EIF4G3: variants seen among roughly 807,000 people sequenced by gnomAD.
EIF4G3 encodes eukaryotic translation initiation factor 4 gamma 3, also known as eIF-4-gamma 3.
In EIF4G3, 34 loss-of-function variants were observed where a neutral mutation model predicts 186.4. The ratio of observed to expected loss-of-function variants is 0.18; its 90% CI spans 0.14 to 0.24. The LOEUF (loss-of-function observed/expected upper bound fraction) is 0.24, where lower values mean the gene tolerates loss of function less well. EIF4G3 is among the 10% of genes least tolerant of loss of function. The probability of loss-of-function intolerance (pLI) is 1.00; values close to 1 mark genes in which losing one functional copy is unlikely to be tolerated. For synonymous variants in EIF4G3, 673 were observed against 679.5 expected (o/e 0.99, Z 0.15); for missense variants, 1,536 against 1,948.5 (o/e 0.79, Z 3.99).
At chr1:20,848,010 AG>A (rs748753712) in intron 29 of EIF4G3, 47 of 353,876 alleles carry the variant, frequency 1.3e-4, no homozygotes, top group South Asian at 8.5e-4. Flanking sequence ...TCTGTCACCC[AG>A]GATGGAATGC....
chr1:20,926,081 TTTAG>T (rs1481062686), intron 14 of EIF4G3, among the ~76,000 whole-genome samples: 1 of 152,222 alleles, frequency 6.6e-6, no homozygotes, highest in African/African-American at 2.4e-5. Context: ...AATATCTTAT[TTTAG>T]TAAGAACTAT....
chr1:21,058,162 C>A (rs1004050388), intron 3 of EIF4G3, among the ~76,000 whole-genome samples: 2 of 152,046 alleles, frequency 1.3e-5, no homozygotes, highest in Non-Finnish European at 2.9e-5. Flanking sequence ...TCTTACATGA[C>A]TCCAGAGCAA....
intron 4 of EIF4G3, among the ~76,000 whole-genome samples, chr1:21,047,772 A>G (rs1456712593): frequency 1.3e-5 from 2 of 152,166 alleles, no homozygotes; most frequent in Admixed American, 6.5e-5. Flanking sequence ...ATCTGCCCCT[A>G]CAAACTGTTT....
intron 14 of EIF4G3, among the ~76,000 whole-genome samples, chr1:20,934,191 G>GT (rs1240280746): frequency 1.3e-5 from 2 of 152,204 alleles, no homozygotes; most frequent in African/African-American, 4.8e-5. Context: ...AGATAAATGT[G>GT]TGTCTACTGA....
chr1:20,930,370 T>A (rs536089600), intron 14 of EIF4G3, among the ~76,000 whole-genome samples: 1 of 152,260 alleles, frequency 6.6e-6, no homozygotes, highest in Non-Finnish European at 1.5e-5. Context: ...ACCCTTCCGC[T>A]GTTTTATCAA....
intron 3 of EIF4G3, among the ~76,000 whole-genome samples, chr1:21,067,640 CAAA>C (rs2095293605): frequency 6.6e-6 from 1 of 152,010 alleles, no homozygotes; most frequent in Non-Finnish European, 1.5e-5. Context: ...AAAAATACTT[CAAA>C]ATAGAAGGGT....
At chr1:20,825,249 C>CATAA in intron 32 of EIF4G3, 51 bp from the exon 33 acceptor site, 1 of 213,754 alleles carries the variant, frequency 4.7e-6, no homozygotes, top group Non-Finnish European at 7.4e-6. Context: ...GAAGAAGAAA[C>CATAA]AGAAAAAAAA....
At chr1:21,170,599 A>G (rs1016090526) in intron 2 of EIF4G3, among the ~76,000 whole-genome samples, 1 of 152,126 alleles carries the variant, frequency 6.6e-6, no homozygotes, top group African/African-American at 2.4e-5. Flanking sequence ...TGAACCCAGG[A>G]GGTGGAGGAT....
intron 29 of EIF4G3, among the ~76,000 whole-genome samples, chr1:20,848,979 G>A (rs761570660): frequency 6.1e-5 from 9 of 148,698 alleles, no homozygotes; most frequent in East Asian, 2.0e-4. Flanking sequence ...CTTGGGAGGC[G>A]GAGGTTGCAG....
At chr1:20,893,724 C>T in intron 17 of EIF4G3, 88 bp from the exon 18 acceptor site, 2 of 1,399,200 alleles carry the variant, frequency 1.4e-6, no homozygotes, top group Non-Finnish European at 1.9e-6. Context: ...TGAAAAGTTA[C>T]ATCAGCTGAA....
chr1:21,093,788 GTTCATGTCCT>G (rs1295112088), intron 2 of EIF4G3, among the ~76,000 whole-genome samples: 5 of 152,120 alleles, frequency 3.3e-5, no homozygotes, highest in Admixed American at 1.3e-4. Flanking sequence ...AAAAGGATGA[GTTCATGTCCT>G]TTGTAGGGAC....
At chr1:21,047,479 A>T (rs2093957928) in intron 4 of EIF4G3, among the ~76,000 whole-genome samples, 1 of 152,180 alleles carries the variant, frequency 6.6e-6, no homozygotes, top group African/African-American at 2.4e-5. Flanking sequence ...CCAGGAGCTC[A>T]GAGGAACTTT....
At chr1:21,015,224 T>C (rs1027644092) in intron 4 of EIF4G3, among the ~76,000 whole-genome samples, 10 of 151,660 alleles carry the variant, frequency 6.6e-5, no homozygotes, top group African/African-American at 2.4e-4. Context: ...AATAATCCAG[T>C]CTGAGAAGCA....
chr1:21,006,183 G>A (rs2085028230), intron 4 of EIF4G3, among the ~76,000 whole-genome samples: 2 of 152,096 alleles, frequency 1.3e-5, no homozygotes, highest in African/African-American at 4.8e-5. Flanking sequence ...TGTAAAAGAT[G>A]CCTCTACTCT....
chr1:20,991,840 A>G (rs1334757475), intron 7 of EIF4G3, among the ~76,000 whole-genome samples: 16 of 152,178 alleles, frequency 1.1e-4, no homozygotes, highest in Admixed American at 7.9e-4. Context: ...GGAAAAGGGG[A>G]AAGGCAGGTA....
At chr1:21,015,143 A>G (rs1409695557) in intron 4 of EIF4G3, among the ~76,000 whole-genome samples, 1 of 152,218 alleles carries the variant, frequency 6.6e-6, no homozygotes, top group Admixed American at 6.5e-5. Flanking sequence ...TGAAAAATTC[A>G]CTAGAAGAGT....
intron 7 of EIF4G3, among the ~76,000 whole-genome samples, chr1:20,992,339 T>C (rs1232526036): frequency 1.6e-5 from 1 of 61,556 alleles, no homozygotes; most frequent in Non-Finnish European, 3.7e-5. Context: ...AACACAAATA[T>C]ATCTCAACTA....
chr1:21,014,146 G>A (rs1180693454), intron 4 of EIF4G3, among the ~76,000 whole-genome samples: 4 of 152,178 alleles, frequency 2.6e-5, no homozygotes, highest in African/African-American at 9.7e-5. Flanking sequence ...TCCAGCCTGG[G>A]TGACAAAGCG....
intron 3 of EIF4G3, among the ~76,000 whole-genome samples, chr1:21,053,720 T>TG (rs1456245646): frequency 3.4e-5 from 4 of 117,330 alleles, no homozygotes; most frequent in Non-Finnish European, 5.3e-5. Context: ...GGAAGGATGT[T>TG]GGGGGGTCAG....
Sources: allele counts gnomAD v4.1 joint callset (sites outside exome capture counted in the v4.1 genomes callset), GRCh38; gene constraint gnomAD v4.1.1; transcripts MANE v1.5; gene names NCBI Gene and HGNC (gene_info 2026-07-23, HGNC 2026-07-21).